Variants in PRR5L observed in about 807,000 individuals in gnomAD.
PRR5L encodes proline-rich protein 5-like.
A neutral mutation model predicts 36.4 loss-of-function variants in PRR5L; 21 were observed. That is an observed-to-expected ratio of 0.58 (90% CI 0.41 to 0.83). The LOEUF is 0.83. PRR5L is among the 40% of genes least tolerant of loss of function. PRR5L has a pLI of 0.00. For missense variants in PRR5L, 381 were observed against 473.3 expected, an observed-to-expected ratio of 0.80 and a Z score of 1.81; for synonymous variants, 188 against 197.0, an observed-to-expected ratio of 0.95 and a Z score of 0.38.
chr11:36,315,494 T>C (rs1442170247), intron 1 of PRR5L, among the ~76,000 whole-genome samples: 2 of 152,228 alleles, frequency 1.3e-5, no homozygotes. Flanking sequence ...CACTACACAG[T>C]CCATAAACTT....
chr11:36,336,391 G>A (rs565747784), intron 1 of PRR5L, among the ~76,000 whole-genome samples: 2 of 151,962 alleles, frequency 1.3e-5, no homozygotes, highest in South Asian at 2.1e-4. Context: ...CATCACACCC[G>A]GCTAATTTTT....
chr11:36,328,071 A>G (rs1487991966), intron 1 of PRR5L, among the ~76,000 whole-genome samples: 2 of 152,224 alleles, frequency 1.3e-5, no homozygotes, highest in Non-Finnish European at 2.9e-5. Flanking sequence ...CTTTTCTGTC[A>G]ACATGACAAA....
At chr11:36,430,217 C>T (rs1184495364) in intron 4 of PRR5L, among the ~76,000 whole-genome samples, 1 of 152,152 alleles carries the variant, frequency 6.6e-6, no homozygotes, top group Non-Finnish European at 1.5e-5. Context: ...CGAGACCAGC[C>T]TGGCCAACAT....
intron 8 of PRR5L, among the ~76,000 whole-genome samples, chr11:36,455,018 A>T (rs1226875484): frequency 6.6e-6 from 1 of 152,072 alleles, no homozygotes. Flanking sequence ...TGTTTCCCTG[A>T]TGTTTGCAGG....
intron 7 of PRR5L, among the ~76,000 whole-genome samples, chr11:36,449,481 T>C (rs1455071282): frequency 6.6e-6 from 1 of 152,202 alleles, no homozygotes; most frequent in Admixed American, 6.5e-5. Flanking sequence ...CAGTGGGCCA[T>C]GTGCTCTGCC....
chr11:36,429,333 C>T (rs780550167), intron 4 of PRR5L, among the ~76,000 whole-genome samples: 6 of 152,230 alleles, frequency 3.9e-5, no homozygotes, highest in Middle Eastern at 3.4e-3. Flanking sequence ...TTATTAGGCA[C>T]CTACTATGTT....
chr11:36,403,199 A>C, intron 2 of PRR5L, 99 bp from the exon 3 acceptor site: 1 of 953,574 alleles, frequency 1.0e-6, no homozygotes, highest in Non-Finnish European at 1.7e-6. Context: ...TTGTGCTATG[A>C]GCTTCCTGGT....
At chr11:36,410,054 G>T (rs534233561) in intron 3 of PRR5L, among the ~76,000 whole-genome samples, 1 of 152,324 alleles carries the variant, frequency 6.6e-6, no homozygotes, top group Admixed American at 6.5e-5. Context: ...GTTTTGGAGG[G>T]ATTAAGATGA....
At chr11:36,404,905 A>T (rs1166552650) in intron 3 of PRR5L, among the ~76,000 whole-genome samples, 1 of 152,194 alleles carries the variant, frequency 6.6e-6, no homozygotes, top group Non-Finnish European at 1.5e-5. Flanking sequence ...GACAGGGGCA[A>T]AGTGGGGTCA....
intron 1 of PRR5L, among the ~76,000 whole-genome samples, chr11:36,364,085 T>A (rs1857121118): frequency 6.6e-6 from 1 of 152,132 alleles, no homozygotes; most frequent in Non-Finnish European, 1.5e-5. Context: ...GAATTTCAGC[T>A]CTGCCATTTG....
intron 1 of PRR5L, among the ~76,000 whole-genome samples, chr11:36,350,945 T>G (rs1432886665): frequency 4.6e-5 from 1 of 21,642 alleles, no homozygotes; most frequent in African/African-American, 3.1e-4. Flanking sequence ...TATTTATATA[T>G]ATATATTTAT....
At position 36,336,445 on chromosome 11, in the gene PRR5L, G is replaced by A. The variant is rs146939055; in HGVS notation, c.-126+40007G>A. Among the ~76,000 whole-genome samples, 16 of 150,854 alleles carry A rather than the reference G, an allele frequency of 1.1e-4. No individual in the cohort carries two copies. The East Asian group carries it at 3.1e-3, about 29-fold the overall frequency. Reference sequence around the variant, plus strand: ...GAGTTTTGCCATGTTGCCCAGGCCAGTCTTGAGCTCCTGGGTTCAAGTGAT... The same window carrying A: ...GAGTTTTGCCATGTTGCCCAGGCCAATCTTGAGCTCCTGGGTTCAAGTGAT... On this transcript the variant is annotated intron_variant, in intron 1 of 8. Coordinates refer to ENST00000530639, the MANE Select transcript of PRR5L (RefSeq NM_001160167.2).
At chr11:36,404,260 C>T (rs895797333) in intron 3 of PRR5L, among the ~76,000 whole-genome samples, 1 of 140,296 alleles carries the variant, frequency 7.1e-6, no homozygotes, top group African/African-American at 3.0e-5. Context: ...GAGATCGATC[C>T]ATCAGGTCTT....
Position 36,377,017 on chromosome 11 carries a change from A to C in PRR5L, c.-125-23980A>C, listed in dbSNP as rs1382397793. ...AGTACCGCCGTGAGGTGGGATGCGG[A>C]TGCTGGTGATCATGGGACCTAGGCT... is the stretch of plus-strand genomic sequence containing the variant. On this transcript the variant is annotated intron_variant, in intron 1 of 8. Transcript: ENST00000530639. The surrounding 1 kb of genome is among the most constrained non-coding windows in gnomAD (Gnocchi z 5.1). Among the ~76,000 whole-genome samples the C allele has an allele frequency of 6.6e-6, 1 of 152,110 alleles. No homozygotes were observed. The highest frequency in any genetic ancestry group is 6.5e-5 in the Admixed American group (1 of 15,280).
chr11:36,357,240 T>C (rs1857037342), intron 1 of PRR5L, among the ~76,000 whole-genome samples: 1 of 152,164 alleles, frequency 6.6e-6, no homozygotes, highest in Non-Finnish European at 1.5e-5. Flanking sequence ...AGAAGAAAAG[T>C]TGGAAGCTAC....
chr11:36,305,014 C>T (rs1178474564), intron 1 of PRR5L, among the ~76,000 whole-genome samples: 6 of 152,174 alleles, frequency 3.9e-5, no homozygotes, highest in Non-Finnish European at 7.3e-5. Flanking sequence ...CCAGCAATTC[C>T]ACTCATAGGT....
Position 36,422,296 on chromosome 11 carries a change from G to A in PRR5L, c.294+2993G>A, listed in dbSNP as rs1858282916. ...ATTTGACTGTCAGATGTCGTTTCAG[G>A]AGGGAAAGTCAGGAGGAACTCCAGA... On this transcript the variant is annotated intron_variant, in intron 4 of 8. Coordinates refer to ENST00000530639, the MANE Select transcript of PRR5L (RefSeq NM_001160167.2). Among the ~76,000 whole-genome samples the A allele has an allele frequency of 2.0e-5, 3 of 152,214 alleles. No individual in the cohort carries two copies. In the South Asian group the frequency reaches 6.2e-4, roughly 32 times the overall value.
At chr11:36,373,121 A>C (rs1857214363) in intron 1 of PRR5L, among the ~76,000 whole-genome samples, 1 of 152,034 alleles carries the variant, frequency 6.6e-6, no homozygotes, top group African/African-American at 2.4e-5. Flanking sequence ...CCTTAGTCTT[A>C]AAGGGGGCTG....
intron 1 of PRR5L, among the ~76,000 whole-genome samples, chr11:36,368,983 A>G (rs1857172069): frequency 1.3e-5 from 2 of 152,218 alleles, no homozygotes; most frequent in Non-Finnish European, 2.9e-5. Flanking sequence ...TAGTACATAA[A>G]GGCAAAGGAA....
Sources: gnomAD v4.1 joint callset for allele counts (sites outside exome capture counted in the v4.1 genomes callset) on GRCh38, gnomAD v4.1.1 for gene constraint, Gnocchi (gnomAD v3.1) non-coding constraint, MANE v1.5 for transcripts, NCBI Gene and HGNC (gene_info 2026-07-23, HGNC 2026-07-21) for gene names.